Variants in SNTG1 observed in about 807,000 individuals in gnomAD.
SNTG1 encodes the protein gamma-1-syntrophin.
SNTG1 carries 39 observed loss-of-function variants against 74.7 expected under a neutral mutation model. The observed-to-expected ratio is 0.52, with a 90% CI of 0.40 to 0.68. SNTG1 has a LOEUF of 0.68. Ranked by LOEUF, SNTG1 falls within the 30% of genes least tolerant of loss-of-function variation. The pLI is 0.00. For missense variants in SNTG1, 685 were observed against 609.5 expected (o/e 1.12, Z -1.30); for synonymous variants, 254 against 217.1 (o/e 1.17, Z -1.49).
At chr8:50,152,896 T>A (rs1246864439) in intron 1 of SNTG1, among the ~76,000 whole-genome samples, 2 of 152,190 alleles carry the variant, frequency 1.3e-5, no homozygotes, top group African/African-American at 4.8e-5. Context: ...GAGTTGCTCT[T>A]CTCGAGGAGT....
intron 1 of SNTG1, among the ~76,000 whole-genome samples, chr8:50,055,498 G>A (rs983378913): frequency 6.6e-6 from 1 of 152,082 alleles, no homozygotes; most frequent in African/African-American, 2.4e-5. Context: ...AGGCTCCATG[G>A]TGCTGGAATG....
intron 1 of SNTG1, among the ~76,000 whole-genome samples, chr8:49,987,263 A>G (rs1397595741): frequency 6.6e-6 from 1 of 152,202 alleles, no homozygotes. Flanking sequence ...TTAAGAGTAT[A>G]AATAAAACAT....
chr8:50,723,521 GTA>G (rs1265157419), intron 17 of SNTG1, among the ~76,000 whole-genome samples: 1 of 152,126 alleles, frequency 6.6e-6, no homozygotes, highest in Non-Finnish European at 1.5e-5. Context: ...TCTCGTTTTA[GTA>G]TATGTTTCCC....
chr8:50,696,567 A>G (rs566262016), intron 15 of SNTG1, among the ~76,000 whole-genome samples: 8 of 152,160 alleles, frequency 5.3e-5, no homozygotes, highest in African/African-American at 1.7e-4. Flanking sequence ...GGATATTAAT[A>G]GTTTCGAATC....
At chr8:50,438,436 T>C in intron 4 of SNTG1, 107 bp from the exon 5 acceptor site, 2 of 851,748 alleles carry the variant, frequency 2.3e-6, no homozygotes, top group South Asian at 1.5e-5. Context: ...TCTTTTGTTT[T>C]AAAGAGCAAA....
At chr8:50,565,283 A>C (rs952492164) in intron 12 of SNTG1, among the ~76,000 whole-genome samples, 2 of 151,592 alleles carry the variant, frequency 1.3e-5, no homozygotes, top group African/African-American at 4.8e-5. Context: ...CAAAAAAAAA[A>C]TGTTTGGTAA....
chr8:50,279,843 G>A (rs2088336234), intron 2 of SNTG1, among the ~76,000 whole-genome samples: 1 of 152,102 alleles, frequency 6.6e-6, no homozygotes, highest in Non-Finnish European at 1.5e-5. Context: ...AAAGTACAGT[G>A]AAAAAGAACA....
intron 11 of SNTG1, among the ~76,000 whole-genome samples, chr8:50,546,846 A>G (rs914836465): frequency 6.6e-5 from 10 of 152,010 alleles, no homozygotes; most frequent in Non-Finnish European, 1.5e-4. Context: ...CAGTGGTGCA[A>G]TCTCGGCTCA....
At chr8:50,452,906 TA>T (rs1388535921) in intron 8 of SNTG1, among the ~76,000 whole-genome samples, 2 of 152,206 alleles carry the variant, frequency 1.3e-5, no homozygotes, top group Non-Finnish European at 2.9e-5. Context: ...GAAAAAGGTA[TA>T]ACAAGCTGAG....
At chr8:50,117,429 C>G (rs1214229212) in intron 1 of SNTG1, among the ~76,000 whole-genome samples, 3 of 152,004 alleles carry the variant, frequency 2.0e-5, no homozygotes, top group Non-Finnish European at 4.4e-5. Context: ...AAGATTGATT[C>G]CTGACATCAG....
intron 2 of SNTG1, among the ~76,000 whole-genome samples, chr8:50,257,801 C>A (rs1007117196): frequency 6.6e-6 from 1 of 152,132 alleles, no homozygotes; most frequent in Non-Finnish European, 1.5e-5. Context: ...ACCCTACTGC[C>A]GCAAATGGAG....
chr8:50,548,256 C>A lies in SNTG1; in HGVS notation c.681-4794C>A, dbSNP rs185249627. On this transcript the variant is annotated intron_variant, in intron 11 of 18. Coordinates refer to ENST00000642720, the MANE Select transcript of SNTG1 (RefSeq NM_018967.5). Reference sequence around the variant, plus strand: ...CAGGAAATTCTAAAATGAAAAATAACCACGTAATTTGTGTGGATGAACAGG... The same window carrying A: ...CAGGAAATTCTAAAATGAAAAATAAACACGTAATTTGTGTGGATGAACAGG... Among the ~76,000 whole-genome samples, 3 of 152,166 alleles carry A rather than the reference C, an allele frequency of 2.0e-5. No individual in the cohort carries two copies. In the East Asian group the frequency reaches 5.8e-4, roughly 29 times the overall value.
intron 2 of SNTG1, among the ~76,000 whole-genome samples, chr8:50,212,018 A>G (rs976996660): frequency 6.6e-6 from 1 of 152,212 alleles, no homozygotes; most frequent in African/African-American, 2.4e-5. Flanking sequence ...AGAAATTTCC[A>G]TAATAATTTT....
intron 2 of SNTG1, among the ~76,000 whole-genome samples, chr8:50,206,550 C>T (rs141993943): frequency 0.017 from 2,570 of 152,220 alleles, 64 homozygotes; most frequent in African/African-American, 0.052. Context: ...TAACTGAATA[C>T]CCTTTATTTC....
intron 1 of SNTG1, among the ~76,000 whole-genome samples, chr8:49,987,026 G>A (rs1354381590): frequency 6.6e-6 from 1 of 152,196 alleles, no homozygotes; most frequent in African/African-American, 2.4e-5. Flanking sequence ...CTTAGCTTAT[G>A]TTGGGAAATG....
chr8:50,051,239 GAC>G (rs145739550), intron 1 of SNTG1, among the ~76,000 whole-genome samples: 5,114 of 147,182 alleles, frequency 0.035, 248 homozygotes, highest in African/African-American at 0.11. Flanking sequence ...AGAAAATCTT[GAC>G]ACACACACAC....
chr8:50,633,072 A>G (rs1371335624), intron 13 of SNTG1, among the ~76,000 whole-genome samples: 2 of 152,248 alleles, frequency 1.3e-5, no homozygotes, highest in Non-Finnish European at 2.9e-5. Flanking sequence ...ATTGGATTTG[A>G]GAGCATTCAT....
chr8:49,969,387 C>CTT (rs575026898), intron 1 of SNTG1, among the ~76,000 whole-genome samples: 2,523 of 47,118 alleles, frequency 0.054, 267 homozygotes, highest in African/African-American at 0.13. Context: ...TTCATTTAAT[C>CTT]TTTTTTTTTT....
chr8:50,279,272 T>C (rs1396567493), intron 2 of SNTG1, among the ~76,000 whole-genome samples: 1 of 152,132 alleles, frequency 6.6e-6, no homozygotes, highest in Non-Finnish European at 1.5e-5. Context: ...AATAAACATG[T>C]GGAAAATGGC....
Sources: gnomAD v4.1 joint callset for allele counts (sites outside exome capture counted in the v4.1 genomes callset) on GRCh38, gnomAD v4.1.1 for gene constraint, MANE v1.5 for transcripts, NCBI Gene and HGNC (gene_info 2026-07-23, HGNC 2026-07-21) for gene names.